TENM4: variants seen among roughly 807,000 people sequenced by gnomAD.
TENM4 encodes the protein teneurin-4.
In TENM4, 82 loss-of-function variants were observed where a neutral mutation model predicts 243.3. The observed-to-expected ratio is 0.34, with a 90% confidence interval of 0.28 to 0.40. The LOEUF (loss-of-function observed/expected upper bound fraction) is 0.40, where lower values mean the gene tolerates loss of function less well. Ranked by LOEUF, TENM4 falls within the 10% of genes least tolerant of loss-of-function variation. The pLI is 1.00. For missense variants in TENM4, 3,138 were observed against 3,673.3 expected (o/e 0.85, Z 3.77); for synonymous variants, 1,412 against 1,456.3 (o/e 0.97, Z 0.69).
intron 25 of TENM4, among the ~76,000 whole-genome samples, chr11:78,715,831 C>T (rs985884384): frequency 5.9e-5 from 9 of 152,196 alleles, no homozygotes; most frequent in African/African-American, 9.6e-5. Context: ...CAGCTCATTT[C>T]GTCCTCCTGC....
At chr11:79,018,996 G>C (rs1858853103) in intron 6 of TENM4, among the ~76,000 whole-genome samples, 1 of 152,146 alleles carries the variant, frequency 6.6e-6, no homozygotes, top group South Asian at 2.1e-4. Context: ...CCATCTCTTG[G>C]GTTTCTTCTG....
At chr11:79,001,950 T>C (rs1251764585) in intron 6 of TENM4, among the ~76,000 whole-genome samples, 1 of 152,164 alleles carries the variant, frequency 6.6e-6, no homozygotes, top group Admixed American at 6.5e-5. Context: ...CCCTCCACTG[T>C]TTTGCTGTCA....
chr11:79,406,385 AC>A (rs1858573813), intron 1 of TENM4, among the ~76,000 whole-genome samples: 1 of 152,224 alleles, frequency 6.6e-6, no homozygotes, highest in African/African-American at 2.4e-5. Flanking sequence ...AATATGATGA[AC>A]AAAACAAGGT....
At chr11:78,994,880 CG>C (rs991236028) in intron 6 of TENM4, among the ~76,000 whole-genome samples, 5 of 152,282 alleles carry the variant, frequency 3.3e-5, no homozygotes, top group Middle Eastern at 6.8e-3. Context: ...CACCATTCCC[CG>C]GATGCCTATT....
At position 79,440,115 on chromosome 11, in the gene TENM4, G is replaced by T. The variant is rs908530679; in HGVS notation, c.-321+394C>A. On this transcript the variant is annotated intron_variant, in intron 1 of 33. Transcript: ENST00000278550. The surrounding 1 kb of genome is among the most constrained non-coding windows in gnomAD (Gnocchi z 4.7). ...CCTCCAGCGCCCGACGGGGGCCTGG[G>T]GCGAGCTAGTCTGCAGAGGGGCTGC... Among the ~76,000 whole-genome samples the T allele has an allele frequency of 1.2e-4, 19 of 152,104 alleles. No individual in the cohort carries two copies. The highest frequency in any genetic ancestry group is 3.6e-4 in the African/African-American group (15 of 41,434).
intron 6 of TENM4, among the ~76,000 whole-genome samples, chr11:79,042,625 G>A (rs943547497): frequency 6.6e-6 from 1 of 152,172 alleles, no homozygotes; most frequent in South Asian, 2.1e-4. Flanking sequence ...TCTGTGGCTT[G>A]TAATTTACCC....
At chr11:78,998,029 A>G (rs1398895331) in intron 6 of TENM4, among the ~76,000 whole-genome samples, 1 of 152,212 alleles carries the variant, frequency 6.6e-6, no homozygotes, top group East Asian at 1.9e-4. Flanking sequence ...TGCCCTCACC[A>G]AAAACCAAAT....
At chr11:78,978,355 G>GAAAAA (rs1272887577) in intron 6 of TENM4, among the ~76,000 whole-genome samples, 75 of 127,496 alleles carry the variant, frequency 5.9e-4, no homozygotes, top group Non-Finnish European at 1.2e-3. Flanking sequence ...AGTAAGAAAA[G>GAAAAA]AAAAGAAAAG....
At chr11:79,006,075 G>A (rs1175931020) in intron 6 of TENM4, among the ~76,000 whole-genome samples, 1 of 152,194 alleles carries the variant, frequency 6.6e-6, no homozygotes, top group African/African-American at 2.4e-5. Context: ...CTGCTTTCTG[G>A]TTCAGCAAAA....
At chr11:78,832,123 C>T (rs1195914315) in intron 12 of TENM4, among the ~76,000 whole-genome samples, 1 of 152,230 alleles carries the variant, frequency 6.6e-6, no homozygotes, top group Non-Finnish European at 1.5e-5. Context: ...CATTCCCAGC[C>T]AGTCTCAGGA....
In TENM4 at chr11:79,164,039, TAC is replaced by T. The variant is rs1334205659; in HGVS notation, c.-162-15235_-162-15234del. 4.7e-4 allele frequency among the ~76,000 whole-genome samples: 29 copies of T among 61,286 alleles called. 1 individual carries two copies. Among genetic ancestry groups the T allele is most frequent in the African/African-American group, 1.0e-3 (20 of 19,562 alleles). The allele number at this position is 61,286 out of a possible 152,430, so 40.2% of individuals were successfully genotyped here. On this transcript the variant is annotated intron_variant, in intron 3 of 33. Transcript: ENST00000278550. ...ATATATAGTATGTATATAGTATATA[TAC>T]ACTATAAATACTATGTATATATAGT...
At chr11:79,067,246 A>T (rs1860287293) in intron 5 of TENM4, among the ~76,000 whole-genome samples, 2 of 152,172 alleles carry the variant, frequency 1.3e-5, no homozygotes, top group Non-Finnish European at 2.9e-5. Context: ...GCCCTACTCC[A>T]ATCTGCCCTC....
chr11:78,729,002 A>AG (rs397781865), intron 22 of TENM4, among the ~76,000 whole-genome samples: 1 of 151,816 alleles, frequency 6.6e-6, no homozygotes, highest in Non-Finnish European at 1.5e-5. Flanking sequence ...AAAAAAAAAA[A>AG]TGAAAGAAAC....
chr11:79,413,109 G>A (rs1349946022), intron 1 of TENM4, among the ~76,000 whole-genome samples: 2 of 152,192 alleles, frequency 1.3e-5, no homozygotes, highest in Non-Finnish European at 2.9e-5. Flanking sequence ...ATGTCCACAA[G>A]GGCAGGTTCA....
At position 79,390,631 on chromosome 11, in the gene TENM4, C is replaced by T. The variant is rs1220070361; in HGVS notation, c.-321+49878G>A. 2.0e-5 allele frequency among the ~76,000 whole-genome samples: 3 copies of T among 152,156 alleles called. No homozygotes were observed. The East Asian group carries it at 5.8e-4, about 29-fold the overall frequency. On this transcript the variant is annotated intron_variant, in intron 1 of 33. Transcript: ENST00000278550. ...TCAGAGTCTTTCTAGTCCTCCTCAACATGCTGGCATATAACCTAGAGATCG... is the reference window on the plus strand; with the variant it reads ...TCAGAGTCTTTCTAGTCCTCCTCAATATGCTGGCATATAACCTAGAGATCG...
At chr11:79,213,871 G>A (rs1472639449) in intron 3 of TENM4, among the ~76,000 whole-genome samples, 2 of 152,086 alleles carry the variant, frequency 1.3e-5, no homozygotes, top group Non-Finnish European at 2.9e-5. Context: ...TTAAAAAATG[G>A]GGTCATAAGA....
intron 1 of TENM4, among the ~76,000 whole-genome samples, chr11:79,364,251 A>G (rs1016001584): frequency 6.6e-6 from 1 of 152,210 alleles, no homozygotes; most frequent in Admixed American, 6.5e-5. Flanking sequence ...TGGGCACTGG[A>G]GAGGAAGCAG....
chr11:78,862,391 C>A (rs1031557769), intron 10 of TENM4, among the ~76,000 whole-genome samples: 1 of 152,208 alleles, frequency 6.6e-6, no homozygotes, highest in Non-Finnish European at 1.5e-5. Context: ...ATGCTTTTGG[C>A]AAAAAGTTTT....
chr11:79,163,450 G>C (rs1862801272), intron 3 of TENM4, among the ~76,000 whole-genome samples: 1 of 151,872 alleles, frequency 6.6e-6, no homozygotes, highest in African/African-American at 2.4e-5. Flanking sequence ...TTCTTGGTTA[G>C]ATGAATAAGT....
Sources: allele counts gnomAD v4.1 joint callset (sites outside exome capture counted in the v4.1 genomes callset), GRCh38; gene constraint gnomAD v4.1.1; non-coding constraint Gnocchi (gnomAD v3.1); transcripts MANE v1.5; gene names NCBI Gene and HGNC (gene_info 2026-07-23, HGNC 2026-07-21).